The following TRAPPC12 variants were observed in gnomAD, a reference collection of about 807,000 sequenced individuals.
The protein encoded by TRAPPC12 is TPR repeat protein 15.
In TRAPPC12, 61 loss-of-function variants were observed where a neutral mutation model predicts 69.2. That is an observed-to-expected ratio of 0.88 (90% CI 0.72 to 1.09). The LOEUF (loss-of-function observed/expected upper bound fraction) is 1.09. Among genes scored for constraint, TRAPPC12 ranks in the 50% least tolerant of loss-of-function variants. The pLI is 0.00. For synonymous variants in TRAPPC12, 469 were observed against 438.9 expected (o/e 1.07, Z -0.86); for missense variants, 1,101 against 1,016.4 (o/e 1.08, Z -1.13).
intron 5 of TRAPPC12, among the ~76,000 whole-genome samples, chr2:3,437,164 A>G (rs1251274988): frequency 3.6e-4 from 1 of 2,752 alleles, no homozygotes; most frequent in Non-Finnish European, 6.4e-4. Context: ...ATCACCCCTG[A>G]ATTAATCCCC....
At chr2:3,467,774 C>G (rs960705467) in intron 9 of TRAPPC12, 10 of 152,418 alleles carry the variant, frequency 6.6e-5, no homozygotes, top group Admixed American at 2.6e-4. Flanking sequence ...CTGAAACACT[C>G]CTGGGTGCAC....
chr2:3,395,734 T>TG (rs1442681669), intron 2 of TRAPPC12, among the ~76,000 whole-genome samples: 2 of 151,204 alleles, frequency 1.3e-5, no homozygotes, highest in Non-Finnish European at 3.0e-5. Context: ...AGCTAATTTT[T>TG]TTTTTTTTTT....
At chr2:3,455,017 G>A (rs1478069238) in intron 6 of TRAPPC12, 1 of 152,272 alleles carries the variant, frequency 6.6e-6, no homozygotes, top group Non-Finnish European at 1.5e-5. Flanking sequence ...GGCTCCCGTG[G>A]TGTGCGGAGG....
intron 1 of TRAPPC12, among the ~76,000 whole-genome samples, chr2:3,384,294 T>C (rs141930217): frequency 5.3e-5 from 8 of 152,324 alleles, no homozygotes; most frequent in Non-Finnish European, 1.2e-4. Context: ...TCAGTTTTTA[T>C]TGTAGCTTTT....
intron 1 of TRAPPC12, among the ~76,000 whole-genome samples, chr2:3,381,936 A>G (rs539063077): frequency 2.0e-5 from 3 of 152,298 alleles, no homozygotes; most frequent in Admixed American, 1.3e-4. Context: ...ATGTTTTTGA[A>G]TATACAGAGT....
chr2:3,461,093 G>A (rs1051039934), intron 8 of TRAPPC12, among the ~76,000 whole-genome samples: 61 of 152,312 alleles, frequency 4.0e-4, no homozygotes, highest in African/African-American at 1.4e-3. Context: ...ACACCCATGC[G>A]GCTTTCATGG....
chr2:3,390,409 A>G (rs759264827), intron 2 of TRAPPC12, among the ~76,000 whole-genome samples: 12 of 152,230 alleles, frequency 7.9e-5, no homozygotes, highest in East Asian at 1.9e-4. Flanking sequence ...TGAGGACATA[A>G]TCATACTTCT....
rs1435575145 is a variant in TRAPPC12, at chr2:3,409,505, T to C, written c.1164+7612T>C. Reference sequence around the variant, plus strand: ...GCTCATGCCTGCAATCCCAACACTTTTGGGAGGCTGAGGTAGGAGAATCAG... The same window carrying C: ...GCTCATGCCTGCAATCCCAACACTTCTGGGAGGCTGAGGTAGGAGAATCAG... On this transcript the variant is annotated intron_variant, in intron 3 of 11. Coordinates refer to ENST00000324266, the MANE Select transcript of TRAPPC12 (RefSeq NM_016030.6). Among the ~76,000 whole-genome samples, 5 of 152,016 alleles carry C rather than the reference T, an allele frequency of 3.3e-5. No individual in the cohort carries two copies. In the East Asian group the frequency reaches 9.6e-4, roughly 29 times the overall value.
chr2:3,467,207 T>C (rs1665856406), intron 9 of TRAPPC12, among the ~76,000 whole-genome samples: 1 of 152,124 alleles, frequency 6.6e-6, no homozygotes, highest in Non-Finnish European at 1.5e-5. Flanking sequence ...CCCTCGGTGT[T>C]CGCTTTTCTG....
At chr2:3,397,042 C>T (rs1027727742) in intron 2 of TRAPPC12, among the ~76,000 whole-genome samples, 8 of 152,140 alleles carry the variant, frequency 5.3e-5, no homozygotes, top group Non-Finnish European at 1.2e-4. Flanking sequence ...GTTCCATTAT[C>T]TATGTAATAT....
Position 3,414,982 on chromosome 2 carries a change from C to T in TRAPPC12, c.1165-6899C>T, listed in dbSNP as rs1412120002. 3.9e-5 allele frequency among the ~76,000 whole-genome samples: 6 copies of T among 152,146 alleles called. No individual in the cohort carries two copies. Among genetic ancestry groups the T allele is most frequent in the East Asian group, 1.9e-4 (1 of 5,186 alleles). ...TCAGCTGTGGTTGGTTGAATCCACGCGTGTGGAACCTGCAGATACGGAGGA... is the reference window on the plus strand; with the variant it reads ...TCAGCTGTGGTTGGTTGAATCCACGTGTGTGGAACCTGCAGATACGGAGGA... On this transcript the variant is annotated intron_variant, in intron 3 of 11. Coordinates refer to ENST00000324266, the MANE Select transcript of TRAPPC12 (RefSeq NM_016030.6). The surrounding 1 kb of genome is among the most constrained non-coding windows in gnomAD (Gnocchi z 4.9).
chr2:3,427,074 T>C (rs757493351), intron 5 of TRAPPC12, among the ~76,000 whole-genome samples: 2 of 152,188 alleles, frequency 1.3e-5, no homozygotes, highest in Non-Finnish European at 2.9e-5. Context: ...GCATTGTTAA[T>C]TGGGGAAGTT....
rs1467032975 is a variant in TRAPPC12, at chr2:3,462,821, C to T, written c.1677+2485C>T. ...GCTTGGGCCCCCCCTCCCCCGGGTG[C>T]CCCTGGGAGGCCACTTCCCTCCTGG... On this transcript the variant is annotated intron_variant, in intron 8 of 11. Coordinates refer to ENST00000324266, the MANE Select transcript of TRAPPC12 (RefSeq NM_016030.6). The T allele has an allele frequency of 6.8e-6, 3 of 444,356 alleles. No individual in the cohort carries two copies. The Admixed American group carries it at 7.3e-5, about 11-fold the overall frequency. The allele number at this position is 444,356 out of a possible 1,614,324, so 27.5% of individuals were successfully genotyped here. A position where few individuals can be genotyped will look rare whatever the true frequency, so the allele number is the denominator to read the frequency against.
At chr2:3,449,107 C>T (rs192760464) in intron 6 of TRAPPC12, 1 of 152,174 alleles carries the variant, frequency 6.6e-6, no homozygotes, top group African/African-American at 2.4e-5. Context: ...ACATATACCA[C>T]GAGTTAAAAT....
At chr2:3,457,551 A>AT in intron 6 of TRAPPC12, 70 bp from the exon 7 acceptor site, 1 of 1,266,538 alleles carries the variant, frequency 7.9e-7, no homozygotes. Context: ...TACTGAGATT[A>AT]TATTATAACA....
intron 8 of TRAPPC12, among the ~76,000 whole-genome samples, chr2:3,463,804 TG>T (rs1665644930): frequency 6.6e-6 from 1 of 152,066 alleles, no homozygotes; most frequent in Admixed American, 6.5e-5. Context: ...GCCTGCCTTT[TG>T]TTTACTTGAA....
intron 1 of TRAPPC12, among the ~76,000 whole-genome samples, chr2:3,382,197 C>A (rs990470027): frequency 7.0e-6 from 1 of 143,310 alleles, no homozygotes. Flanking sequence ...TGCAGTGGCA[C>A]GATCTTGGCT....
At chr2:3,444,755 T>G (rs920126123) in intron 6 of TRAPPC12, among the ~76,000 whole-genome samples, 1 of 152,160 alleles carries the variant, frequency 6.6e-6, no homozygotes, top group African/African-American at 2.4e-5. Flanking sequence ...GTGTTCCTAG[T>G]AAGGAAGGAA....
At position 3,479,554 on chromosome 2, in the gene TRAPPC12, A is replaced by C; in HGVS notation, c.*93A>C. On this transcript the variant is annotated 3_prime_UTR_variant, in exon 12 of 12. Transcript: ENST00000324266. ...ATGTGACATGGAGGAACTCAATAAA[A>C]CTCCTGCTTCACTGGTGTCTGCTGC... 2.0e-6 allele frequency: 3 copies of C among 1,480,436 alleles called. No homozygotes were observed. The highest frequency in any genetic ancestry group is 4.7e-5 in the East Asian group (2 of 42,692). 91.7% of individuals were successfully genotyped at this position (1,480,436 alleles called of 1,614,324 possible).
Sources: gnomAD v4.1 joint callset for allele counts (sites outside exome capture counted in the v4.1 genomes callset) on GRCh38, gnomAD v4.1.1 for gene constraint, Gnocchi (gnomAD v3.1) non-coding constraint, MANE v1.5 for transcripts, NCBI Gene and HGNC (gene_info 2026-07-23, HGNC 2026-07-21) for gene names.